Variants in ARHGAP32 observed in about 807,000 individuals in gnomAD.
ARHGAP32 encodes the protein rho GTPase-activating protein 32.
ARHGAP32 carries 51 observed loss-of-function variants against 186.5 expected under a neutral mutation model. The ratio of observed to expected loss-of-function variants is 0.27; its 90% CI spans 0.22 to 0.35. ARHGAP32 has a LOEUF of 0.35. ARHGAP32 is among the 10% of genes least tolerant of loss of function. The pLI, the probability that ARHGAP32 is intolerant of heterozygous loss-of-function variation, is 1.00. For missense variants in ARHGAP32, 2,186 were observed against 2,623.5 expected (o/e 0.83, Z 3.64); for synonymous variants, 950 against 964.3 (o/e 0.99, Z 0.27).
chr11:129,215,798 T>C (rs1184984580), intron 1 of ARHGAP32, among the ~76,000 whole-genome samples: 2 of 152,220 alleles, frequency 1.3e-5, no homozygotes, highest in African/African-American at 4.8e-5. Flanking sequence ...CAAACCGATA[T>C]GGCTCCCAAA....
At chr11:129,189,375 G>A (rs186856295) in intron 1 of ARHGAP32, among the ~76,000 whole-genome samples, 5 of 152,284 alleles carry the variant, frequency 3.3e-5, no homozygotes, top group Non-Finnish European at 5.9e-5. Flanking sequence ...CTTTATAGGA[G>A]TGATAAGCAG....
intron 6 of ARHGAP32, among the ~76,000 whole-genome samples, chr11:129,086,538 A>C (rs890806277): frequency 3.3e-5 from 5 of 152,174 alleles, no homozygotes; most frequent in Middle Eastern, 3.2e-3. Flanking sequence ...AGACACACTG[A>C]TGGCCGGGCA....
At chr11:129,076,452 G>A (rs1351186034) in intron 6 of ARHGAP32, among the ~76,000 whole-genome samples, 2 of 151,936 alleles carry the variant, frequency 1.3e-5, no homozygotes, top group East Asian at 3.9e-4. Flanking sequence ...AGACCACAAG[G>A]AATTAAACTA....
At chr11:129,236,149 G>A (rs917611093) in intron 1 of ARHGAP32, among the ~76,000 whole-genome samples, 8 of 152,174 alleles carry the variant, frequency 5.3e-5, no homozygotes, top group Admixed American at 5.2e-4. Flanking sequence ...TCTCCACACT[G>A]TTTTCCATAG....
chr11:128,975,104 A>C (rs1945506123), intron 20 of ARHGAP32, 102 bp from the exon 21 acceptor site: 1 of 916,644 alleles, frequency 1.1e-6, no homozygotes, highest in Admixed American at 2.5e-5. Flanking sequence ...ATCTAGGTGA[A>C]GGAAGTGTTA....
intron 1 of ARHGAP32, among the ~76,000 whole-genome samples, chr11:129,175,083 A>G (rs1272447714): frequency 2.1e-3 from 234 of 109,632 alleles, no homozygotes; most frequent in African/African-American, 2.3e-3. Context: ...TAACCAATAC[A>G]GAGAAGTGCT....
intron 6 of ARHGAP32, 102 bp from the exon 7 acceptor site, chr11:129,066,970 T>C (rs1356266102): frequency 6.0e-6 from 6 of 996,612 alleles, no homozygotes; most frequent in African/African-American, 1.6e-5. Flanking sequence ...AGATTTTATA[T>C]TTTCTAATGA....
intron 7 of ARHGAP32, 57 bp from the exon 8 acceptor site, chr11:129,064,990 G>C: frequency 7.2e-7 from 1 of 1,386,110 alleles, no homozygotes; most frequent in Non-Finnish European, 1.0e-6. Flanking sequence ...CTCTGGCAGG[G>C]AAAACTGGAT....
chr11:129,135,699 G>A (rs192847706), intron 2 of ARHGAP32, among the ~76,000 whole-genome samples: 9 of 152,144 alleles, frequency 5.9e-5, no homozygotes, highest in Non-Finnish European at 1.0e-4. Flanking sequence ...CCCAGGAGGC[G>A]GAGCTTGCAA....
intron 1 of ARHGAP32, among the ~76,000 whole-genome samples, chr11:129,211,100 T>C (rs1944573887): frequency 6.6e-6 from 1 of 152,160 alleles, no homozygotes; most frequent in Non-Finnish European, 1.5e-5. Flanking sequence ...TCCCTTTCCA[T>C]CAGCAACCAC....
At chr11:129,115,425 T>C (rs1445950293) in intron 5 of ARHGAP32, among the ~76,000 whole-genome samples, 1 of 152,152 alleles carries the variant, frequency 6.6e-6, no homozygotes, top group African/African-American at 2.4e-5. Context: ...CCTAAGAGTT[T>C]TTCTTCCCAG....
chr11:129,161,849 A>G (rs1943536834), intron 2 of ARHGAP32, among the ~76,000 whole-genome samples: 2 of 152,222 alleles, frequency 1.3e-5, no homozygotes, highest in South Asian at 4.1e-4. Flanking sequence ...ATGCACACGT[A>G]TGCTTACTTC....
At chr11:129,213,731 C>A (rs1235917961) in intron 1 of ARHGAP32, among the ~76,000 whole-genome samples, 1 of 151,960 alleles carries the variant, frequency 6.6e-6, no homozygotes, top group Non-Finnish European at 1.5e-5. Context: ...GCTACATAAG[C>A]CATTTTAAAA....
intron 5 of ARHGAP32, among the ~76,000 whole-genome samples, chr11:129,109,394 G>C (rs1591622581): frequency 1.3e-5 from 2 of 151,948 alleles, no homozygotes; most frequent in East Asian, 3.9e-4. Context: ...TGGGAGTGTG[G>C]GTATCAATCC....
intron 1 of ARHGAP32, among the ~76,000 whole-genome samples, chr11:129,164,920 G>A (rs1943602561): frequency 6.6e-6 from 1 of 152,140 alleles, no homozygotes; most frequent in African/African-American, 2.4e-5. Context: ...CTTGTCTGAA[G>A]GCAACAGAAA....
At chr11:129,278,738 G>A (rs913701215) in intron 1 of ARHGAP32, among the ~76,000 whole-genome samples, 1 of 151,622 alleles carries the variant, frequency 6.6e-6, no homozygotes, top group Non-Finnish European at 1.5e-5. Flanking sequence ...GATGTCGCCC[G>A]CGGGCAGCGG....
At chr11:128,975,830 C>T (rs1269726216) in intron 20 of ARHGAP32, among the ~76,000 whole-genome samples, 1 of 152,112 alleles carries the variant, frequency 6.6e-6, no homozygotes, top group Non-Finnish European at 1.5e-5. Context: ...GGGCAGATCA[C>T]CTGAGGTCAG....
intron 6 of ARHGAP32, among the ~76,000 whole-genome samples, chr11:129,068,447 C>A (rs150861160): frequency 1.3e-5 from 2 of 152,182 alleles, no homozygotes; most frequent in East Asian, 3.9e-4. Context: ...TTCCTGGGAA[C>A]TGCCAAGTTA....
At chr11:129,018,244 G>A (rs192786720) in intron 11 of ARHGAP32, among the ~76,000 whole-genome samples, 39 of 152,168 alleles carry the variant, frequency 2.6e-4, no homozygotes, top group Middle Eastern at 3.4e-3. Flanking sequence ...GCAAAGTTCC[G>A]TCTTAGCAAC....
Sources: allele counts gnomAD v4.1 joint callset (sites outside exome capture counted in the v4.1 genomes callset), GRCh38; gene constraint gnomAD v4.1.1; transcripts MANE v1.5; gene names NCBI Gene and HGNC (gene_info 2026-07-23, HGNC 2026-07-21).